The following PPM1H variants were observed in gnomAD, a reference collection of about 807,000 sequenced individuals.
PPM1H encodes protein phosphatase 1H.
PPM1H carries 27 observed loss-of-function variants against 54.9 expected under a neutral mutation model. The ratio of observed to expected loss-of-function variants is 0.49; its 90% CI spans 0.36 to 0.68. The LOEUF (loss-of-function observed/expected upper bound fraction) is 0.68. Ranked by LOEUF, PPM1H falls within the 30% of genes least tolerant of loss-of-function variation. The pLI, the probability that PPM1H is intolerant of heterozygous loss-of-function variation, is 0.00. For synonymous variants in PPM1H, 305 were observed against 270.8 expected, an observed-to-expected ratio of 1.13 and a Z score of -1.24; for missense variants, 596 against 667.8, an observed-to-expected ratio of 0.89 and a Z score of 1.19.
chr12:62,779,342 G>A (rs1041047617), intron 4 of PPM1H, among the ~76,000 whole-genome samples: 7 of 152,154 alleles, frequency 4.6e-5, no homozygotes, highest in African/African-American at 1.7e-4. Flanking sequence ...CCACTGCACA[G>A]GGCCTCAAAC....
At chr12:62,905,999 G>A (rs891932546) in intron 1 of PPM1H, among the ~76,000 whole-genome samples, 1 of 152,152 alleles carries the variant, frequency 6.6e-6, no homozygotes, top group Admixed American at 6.5e-5. Flanking sequence ...GAACTTGTGT[G>A]GAAAGTATAA....
intron 2 of PPM1H, among the ~76,000 whole-genome samples, chr12:62,824,006 T>C (rs202070873): frequency 0.075 from 11,185 of 148,606 alleles, 488 homozygotes; most frequent in Middle Eastern, 0.12. Context: ...AAACCCCATC[T>C]TCTCAGCCCA....
chr12:62,663,917 G>T (rs901737391), intron 9 of PPM1H, among the ~76,000 whole-genome samples: 1 of 151,988 alleles, frequency 6.6e-6, no homozygotes, highest in Non-Finnish European at 1.5e-5. Context: ...CTTGAACCTG[G>T]CAGGCGGAGG....
chr12:62,671,325 C>T (rs925386035), intron 8 of PPM1H, among the ~76,000 whole-genome samples: 6 of 152,172 alleles, frequency 3.9e-5, no homozygotes, highest in Middle Eastern at 3.4e-3. Context: ...GGCTCCTTCC[C>T]GGGTTCCCAT....
At chr12:62,850,717 A>AT (rs1170132943) in intron 1 of PPM1H, 2 of 149,144 alleles carry the variant, frequency 1.3e-5, no homozygotes, top group Non-Finnish European at 3.0e-5. Context: ...ATATATTTAT[A>AT]TTTTTTTCTT....
rs544308950 is a variant in PPM1H, at chr12:62,868,779, C to T, written c.246-36500G>A. Among the ~76,000 whole-genome samples, 7 of 152,282 alleles carry T rather than the reference C, an allele frequency of 4.6e-5. No homozygotes were observed. The South Asian group carries it at 1.2e-3, about 27-fold the overall frequency. ...CCACTGGCACACAAATGGGTGCGCACGATGGTGCAAACACTACGCACAGGG... is the reference window on the plus strand; with the variant it reads ...CCACTGGCACACAAATGGGTGCGCATGATGGTGCAAACACTACGCACAGGG... On this transcript the variant is annotated intron_variant, in intron 1 of 9. Transcript: ENST00000228705.
At chr12:62,656,993 A>C (rs1198648145) in intron 9 of PPM1H, among the ~76,000 whole-genome samples, 2 of 152,014 alleles carry the variant, frequency 1.3e-5, no homozygotes, top group African/African-American at 4.8e-5. Flanking sequence ...TCTGGAACCG[A>C]GTTCTTAAGC....
At chr12:62,924,438 T>C (rs912854913) in intron 1 of PPM1H, among the ~76,000 whole-genome samples, 1 of 152,188 alleles carries the variant, frequency 6.6e-6, no homozygotes, top group Non-Finnish European at 1.5e-5. Flanking sequence ...TTAGATCAAA[T>C]TTCTTACAGA....
At chr12:62,756,068 TG>T in intron 4 of PPM1H, 1 of 1,172,826 alleles carries the variant, frequency 8.5e-7, no homozygotes. Flanking sequence ...AGCACCAGGT[TG>T]TCTCCTCTGA....
intron 1 of PPM1H, among the ~76,000 whole-genome samples, chr12:62,870,665 A>C (rs191978144): frequency 2.0e-5 from 3 of 152,110 alleles, no homozygotes; most frequent in African/African-American, 4.8e-5. Context: ...ATTAGGAGGG[A>C]ATATGGGAGG....
chr12:62,784,194 G>T (rs1351940470), intron 4 of PPM1H, among the ~76,000 whole-genome samples: 1 of 152,166 alleles, frequency 6.6e-6, no homozygotes, highest in East Asian at 1.9e-4. Flanking sequence ...CAGAGTAGAA[G>T]GGCAAGTTCT....
chr12:62,786,584 T>C (rs528843081), intron 4 of PPM1H, among the ~76,000 whole-genome samples: 2 of 152,296 alleles, frequency 1.3e-5, no homozygotes, highest in African/African-American at 2.4e-5. Flanking sequence ...TGGCTCCCAC[T>C]CTCCTTGGCT....
chr12:62,925,565 G>A (rs956846963), intron 1 of PPM1H, among the ~76,000 whole-genome samples: 3 of 152,194 alleles, frequency 2.0e-5, no homozygotes, highest in South Asian at 2.1e-4. Context: ...GTGACAGAGC[G>A]AGACTATCTC....
intron 9 of PPM1H, among the ~76,000 whole-genome samples, chr12:62,653,346 C>A (rs2075825738): frequency 6.6e-6 from 1 of 152,186 alleles, no homozygotes. Context: ...TCTTATTTTA[C>A]CTTGCAGATT....
chr12:62,755,763 A>G (rs2076470134), intron 4 of PPM1H: 1 of 924,898 alleles, frequency 1.1e-6, no homozygotes, highest in Non-Finnish European at 1.7e-6. Context: ...ACCACAGTCC[A>G]TGCCATCACT....
chr12:62,686,142 C>A (rs2076050081), intron 8 of PPM1H, among the ~76,000 whole-genome samples: 1 of 152,206 alleles, frequency 6.6e-6, no homozygotes, highest in Non-Finnish European at 1.5e-5. Flanking sequence ...TCTCACCAAC[C>A]ACCTGGGATT....
intron 1 of PPM1H, among the ~76,000 whole-genome samples, chr12:62,853,199 C>A (rs1212922013): frequency 2.6e-5 from 4 of 151,204 alleles, no homozygotes; most frequent in Admixed American, 2.6e-4. Context: ...GTGATTCAGA[C>A]TGAAATATTT....
intron 4 of PPM1H, chr12:62,755,232 G>A (rs2076465327): frequency 5.7e-6 from 4 of 706,074 alleles, no homozygotes; most frequent in Non-Finnish European, 1.0e-5. Flanking sequence ...CTACGGTGAA[G>A]GTGAAGATCA....
Position 62,912,040 on chromosome 12 carries a change from G to A in PPM1H, c.245+22452C>T, listed in dbSNP as rs141847262. Among the ~76,000 whole-genome samples the A allele has an allele frequency of 8.9e-3, 1,355 of 152,222 alleles. 15 individuals are homozygous for A. Among genetic ancestry groups the A allele is most frequent in the Middle Eastern group, 0.02 (6 of 294 alleles). ...TGATATTCCTTATTAAATCTTTGAG[G>A]AACTCACCTGTTTCCCCCTTTCAAT... On this transcript the variant is annotated intron_variant, in intron 1 of 9. Coordinates refer to ENST00000228705, the MANE Select transcript of PPM1H (RefSeq NM_020700.2).
Sources: gnomAD v4.1 joint callset for allele counts (sites outside exome capture counted in the v4.1 genomes callset) on GRCh38, gnomAD v4.1.1 for gene constraint, MANE v1.5 for transcripts, NCBI Gene and HGNC (gene_info 2026-07-23, HGNC 2026-07-21) for gene names.